Variants in DNAH6 observed in about 807,000 individuals in gnomAD.
DNAH6 encodes axonemal beta dynein heavy chain 6.
A neutral mutation model predicts 491.4 loss-of-function variants in DNAH6; 340 were observed. The observed-to-expected ratio is 0.69, with a 90% CI of 0.63 to 0.76. The LOEUF (loss-of-function observed/expected upper bound fraction) is 0.76. Ranked by LOEUF, DNAH6 falls within the 30% of genes least tolerant of loss-of-function variation. The probability of loss-of-function intolerance (pLI) is 0.00; values close to 1 mark genes in which losing one functional copy is unlikely to be tolerated. For synonymous variants in DNAH6, 1,603 were observed against 1,686.1 expected, an observed-to-expected ratio of 0.95 and a Z score of 1.21; for missense variants, 4,443 against 4,972.2, an observed-to-expected ratio of 0.89 and a Z score of 3.20.
intron 72 of DNAH6, 94 bp downstream of exon 72, chr2:84,808,636 T>G: frequency 1.1e-5 from 14 of 1,319,404 alleles, no homozygotes; most frequent in African/African-American, 1.5e-5. Flanking sequence ...CACTTCAGCA[T>G]TTCCATTTGG....
At chr2:84,516,323 G>C (rs1433224765), upstream of DNAH6, 2 of 152,276 alleles carry the variant, frequency 1.3e-5, no homozygotes, top group African/African-American at 4.8e-5. Context: ...AGGCTGTGCG[G>C]CTTCTCCAAC....
At chr2:84,638,814 A>G (rs1689113769) in intron 31 of DNAH6, among the ~76,000 whole-genome samples, 2 of 152,240 alleles carry the variant, frequency 1.3e-5, no homozygotes, top group South Asian at 4.1e-4. Flanking sequence ...CTCGGTTTCT[A>G]GGGTGGCCTT....
rs1201082854 is a variant in DNAH6, at chr2:84,621,208, C to T, written c.3810C>T (p.Gly1270=). Residue 1270 remains glycine, a synonymous_variant, in exon 25 of 77, where the codon GGC becomes GGT. Transcript: ENST00000389394. ...PEGERVSLGK[G]LKARGNVEEW... ...CCTTTTAGGTTAGCTTGGGGAAAGGCCTCAAGGCCCGAGGCAATGTAGAGG... is the reference window on the plus strand; with the variant it reads ...CCTTTTAGGTTAGCTTGGGGAAAGGTCTCAAGGCCCGAGGCAATGTAGAGG... 2 of 1,551,452 alleles carry T rather than the reference C, an allele frequency of 1.3e-6. No homozygotes were observed. Among genetic ancestry groups the T allele is most frequent in the African/African-American group, 1.4e-5 (1 of 73,030 alleles).
chr2:84,601,563 C>A (rs1352105726), intron 18 of DNAH6, among the ~76,000 whole-genome samples: 2 of 151,886 alleles, frequency 1.3e-5, no homozygotes, highest in Admixed American at 1.3e-4. Flanking sequence ...TGTGATATGG[C>A]TTTCTGCATT....
intron 74 of DNAH6, among the ~76,000 whole-genome samples, chr2:84,813,373 T>C (rs1402440738): frequency 1.3e-5 from 2 of 152,204 alleles, no homozygotes; most frequent in Admixed American, 1.3e-4. Flanking sequence ...GTGCAGGCAC[T>C]GCTGCCTCCA....
Position 84,621,470 on chromosome 2 carries a change from C to T in DNAH6, c.3990C>T (p.Cys1330=). The T allele has an allele frequency of 1.3e-6, 2 of 1,539,180 alleles. No homozygotes were observed. The highest frequency in any genetic ancestry group is 8.8e-7 in the Non-Finnish European group (1 of 1,136,534). Residue 1330 remains cysteine (C), a synonymous_variant, in exon 26 of 77, where the codon TGC becomes TGT. Transcript: ENST00000389394. ...VILTVSQIMW[C]RDLTECLETE... ...TGACTGTTTCTCAAATTATGTGGTG[C>T]CGTGATTTGACTGAATGTCTGGAAA...
At chr2:84,805,289 A>G (rs1471620537) in intron 70 of DNAH6, among the ~76,000 whole-genome samples, 2 of 152,226 alleles carry the variant, frequency 1.3e-5, no homozygotes, top group African/African-American at 2.4e-5. Context: ...CAAATACTGC[A>G]TGATTTAACT....
intron 37 of DNAH6, among the ~76,000 whole-genome samples, chr2:84,661,487 G>A (rs7593264): frequency 5.7e-4 from 87 of 152,116 alleles, no homozygotes; most frequent in African/African-American, 1.9e-3. Flanking sequence ...CATTAGTAAG[G>A]CCCTTGGATA....
In DNAH6 at chr2:84,584,256, C is replaced by G; in HGVS notation, c.2481+6C>G. The G allele has an allele frequency of 6.2e-7, 1 of 1,610,618 alleles. No individual in the cohort carries two copies. The highest frequency in any genetic ancestry group is 8.5e-7 in the Non-Finnish European group (1 of 1,177,548). On this transcript the variant is annotated splice_donor_region_variant and intron_variant, in intron 15 of 76. Coordinates refer to ENST00000389394, the MANE Select transcript of DNAH6 (RefSeq NM_001370.2). Reference sequence around the variant, plus strand: ...AAGTAAAACTGCAAGCACAGGTAAGCTAAATCATTATTTTGTAAAAATAAT... The same window carrying G: ...AAGTAAAACTGCAAGCACAGGTAAGGTAAATCATTATTTTGTAAAAATAAT...
At chr2:84,709,593 T>A (rs965241630) in intron 55 of DNAH6, 47 bp downstream of exon 55, 2 of 1,535,618 alleles carry the variant, frequency 1.3e-6, no homozygotes, top group African/African-American at 2.8e-5. Flanking sequence ...CTGCTTAATG[T>A]TGAGCTAGCT....
the DNAH6 span, among the ~76,000 whole-genome samples, chr2:84,465,669 G>A: frequency 1.5e-4 from 23 of 152,254 alleles, no homozygotes; most frequent in Non-Finnish European, 2.1e-4. Context: ...AAGCTGATAC[G>A]GGGTTGCTAG....
chr2:84,667,928 T>C (rs755372880), intron 37 of DNAH6, among the ~76,000 whole-genome samples: 70 of 152,236 alleles, frequency 4.6e-4, no homozygotes, highest in Non-Finnish European at 7.6e-4. Context: ...GATGAGTTCA[T>C]GTCCTTTGTA....
intron 31 of DNAH6, among the ~76,000 whole-genome samples, chr2:84,638,847 A>G (rs2104489373): frequency 6.6e-6 from 1 of 152,200 alleles, no homozygotes. Context: ...CTCATGGTGG[A>G]AGGTGAAGTG....
intron 14 of DNAH6, among the ~76,000 whole-genome samples, chr2:84,582,635 G>A (rs1683148610): frequency 6.6e-6 from 1 of 152,222 alleles, no homozygotes; most frequent in South Asian, 2.1e-4. Context: ...TCTATTTTTA[G>A]TAGAGACGGG....
At chr2:84,748,690 T>C (rs757190317) in intron 63 of DNAH6, among the ~76,000 whole-genome samples, 1 of 152,236 alleles carries the variant, frequency 6.6e-6, no homozygotes, top group Admixed American at 6.5e-5. Flanking sequence ...CAGTATCTTC[T>C]CATTACTCAG....
the DNAH6 span, among the ~76,000 whole-genome samples, chr2:84,492,912 C>T: frequency 6.6e-6 from 1 of 151,950 alleles, no homozygotes; most frequent in African/African-American, 2.4e-5. Flanking sequence ...AAGCTGACAG[C>T]AATGAGAAAT....
At chr2:84,740,147 C>T (rs1672377195) in intron 62 of DNAH6, among the ~76,000 whole-genome samples, 1 of 152,184 alleles carries the variant, frequency 6.6e-6, no homozygotes, top group Admixed American at 6.5e-5. Flanking sequence ...AGAGTGCCAA[C>T]TCTCTGTACA....
chr2:84,765,934 A>G (rs1424338078), intron 64 of DNAH6, among the ~76,000 whole-genome samples: 1 of 152,132 alleles, frequency 6.6e-6, no homozygotes, highest in Non-Finnish European at 1.5e-5. Context: ...AATGTATATC[A>G]CAAAACAGCG....
chr2:84,737,559 G>A (rs1699621586), intron 62 of DNAH6, among the ~76,000 whole-genome samples: 2 of 151,890 alleles, frequency 1.3e-5, no homozygotes, highest in Non-Finnish European at 2.9e-5. Flanking sequence ...ATCTTGGGAG[G>A]TTGTGTGTTT....
Sources: gnomAD v4.1 joint callset for allele counts (sites outside exome capture counted in the v4.1 genomes callset) on GRCh38, gnomAD v4.1.1 for gene constraint, MANE v1.5 for transcripts, NCBI Gene and HGNC (gene_info 2026-07-23, HGNC 2026-07-21) for gene names.